Variants in PGLYRP4 observed in about 807,000 individuals in gnomAD.
PGLYRP4 encodes PGRP-I-beta.
Under a neutral mutation model 41.2 loss-of-function variants are expected in PGLYRP4, and 39 were observed. The ratio of observed to expected loss-of-function variants is 0.95; its 90% confidence interval spans 0.73 to 1.24. The LOEUF (loss-of-function observed/expected upper bound fraction) is 1.24, where lower values mean the gene tolerates loss of function less well. PGLYRP4 is among the 50% of genes most tolerant of loss of function. The pLI is 0.00. For synonymous variants in PGLYRP4, 202 were observed against 186.8 expected (o/e 1.08, Z -0.66); for missense variants, 467 against 460.7 (o/e 1.01, Z -0.13).
At position 153,330,854 on chromosome 1, in the gene PGLYRP4, C is replaced by A; in HGVS notation, c.1035G>T (p.Leu345=). The A allele has an allele frequency of 1.2e-6, 2 of 1,614,034 alleles. No individual in the cohort carries two copies. The highest frequency in any genetic ancestry group is 1.7e-6 in the Non-Finnish European group (2 of 1,179,942). ...VKGYLTPNYL[L]VGHSDVARTL... The stretch of plus-strand genomic sequence containing the variant: ...TTCGGGCCACATCACTGTGGCCCAC[C>A]AGCAGGTAGTTGGGAGTCAGGTACC... The change falls in exon 9 of 9, where the codon CTG becomes CTT. Residue 345 remains leucine (L), a synonymous_variant. Coordinates refer to ENST00000359650, the MANE Select transcript of PGLYRP4 (RefSeq NM_020393.4).
intron 8 of PGLYRP4, among the ~76,000 whole-genome samples, chr1:153,335,478 A>T (rs1264140703): frequency 6.6e-6 from 1 of 151,794 alleles, no homozygotes; most frequent in Non-Finnish European, 1.5e-5. Flanking sequence ...GCAAATTAAA[A>T]TCACAATGAG....
intron 2 of PGLYRP4, 65 bp from the exon 3 acceptor site, chr1:153,346,256 T>C (rs1426031668): frequency 4.1e-6 from 5 of 1,225,204 alleles, no homozygotes. Context: ...TGGCACCAGC[T>C]CTGAACAGAA....
intron 8 of PGLYRP4, among the ~76,000 whole-genome samples, chr1:153,335,570 A>T (rs762593466): frequency 5.5e-4 from 84 of 152,064 alleles, no homozygotes; most frequent in Non-Finnish European, 9.9e-4. Flanking sequence ...ACTAAAAATT[A>T]AAAAATTAGC....
Position 153,345,262 on chromosome 1 carries a change from A to G in PGLYRP4, c.260T>C (p.Leu87Pro). Reference sequence around the variant, plus strand: ...GCAGACTGTCTGGTCGTGACACTCCAGTCCAGGGACATGGTGTATAACAAG... The same window carrying G: ...GCAGACTGTCTGGTCGTGACACTCCGGTCCAGGGACATGGTGTATAACAAG... ...NVLVIHHVPG[L>P]ECHDQTVCSQ... The change falls in exon 4 of 9, where the codon CTG (leucine) becomes CCG (proline). Residue 87 changes from leucine (L) to proline (P), a missense_variant. Coordinates refer to ENST00000359650, the MANE Select transcript of PGLYRP4 (RefSeq NM_020393.4). The G allele has an allele frequency of 1.2e-6, 2 of 1,614,158 alleles. No homozygotes were observed. The highest frequency in any genetic ancestry group is 1.1e-5 in the South Asian group (1 of 91,084).
chr1:153,346,291 C>T (rs1557832388), intron 2 of PGLYRP4, 100 bp from the exon 3 acceptor site: 3 of 853,254 alleles, frequency 3.5e-6, no homozygotes, highest in Non-Finnish European at 6.0e-6. Flanking sequence ...TCCACTGCCC[C>T]TCTGCCTCCT....
rs71584104 is a variant in PGLYRP4, at chr1:153,335,721, C to CTAAATAAATAAA, written c.943+1448_943+1459dup. ...GCCTGGCGACAGAGCAAGACTCTGTCTAAATAAATAAATAAATAAATAAAT... is the reference window on the plus strand; with the variant it reads ...GCCTGGCGACAGAGCAAGACTCTGTCTAAATAAATAAATAAATAAATAAATAAATAAATAAAT... On this transcript the variant is annotated intron_variant, in intron 8 of 8. Transcript: ENST00000359650. Among the ~76,000 whole-genome samples, 131 of 37,044 alleles carry CTAAATAAATAAA rather than the reference C, an allele frequency of 3.5e-3. No individual in the cohort carries two copies. The South Asian group carries it at 0.043, about 12-fold the overall frequency. 24.3% of individuals were successfully genotyped at this position (37,044 alleles called of 152,430 possible).
chr1:153,337,242 G>T lies in PGLYRP4; in HGVS notation c.882C>A (p.Gly294=). 6.2e-7 allele frequency: 1 copy of T among 1,613,754 alleles called. No homozygotes were observed. The highest frequency in any genetic ancestry group is 8.5e-7 in the Non-Finnish European group (1 of 1,179,816). ...TGTCATCGTAGCCAGGGGTGGAGGAGCCTTGGACATTCCAGCCCACCCCTT... is the reference window on the plus strand; with the variant it reads ...TGTCATCGTAGCCAGGGGTGGAGGATCCTTGGACATTCCAGCCCACCCCTT... ...IYEGVGWNVQ[G]SSTPGYDDIA... is the part of the protein sequence containing the mutation. Residue 294 remains glycine (G), a synonymous_variant, in exon 8 of 9, where the codon GGC becomes GGA. Transcript: ENST00000359650.
chr1:153,339,598 G>A (rs1048446689), intron 7 of PGLYRP4, among the ~76,000 whole-genome samples: 22 of 152,114 alleles, frequency 1.4e-4, no homozygotes, highest in South Asian at 8.3e-4. Flanking sequence ...GTCTAACGCC[G>A]GATGTCTTAT....
intron 6 of PGLYRP4, 134 bp downstream of exon 6, chr1:153,341,493 A>C: frequency 2.6e-6 from 2 of 781,436 alleles, no homozygotes; most frequent in Non-Finnish European, 4.1e-6. Context: ...CCAAGAGTTC[A>C]GAGAGTTGGG....
At chr1:153,347,838 G>T in intron 2 of PGLYRP4, 46 bp downstream of exon 2, 1 of 1,394,398 alleles carries the variant, frequency 7.2e-7, no homozygotes, top group Non-Finnish European at 1.0e-6. Context: ...GAGACTTTAG[G>T]ATCACCCTTC....
chr1:153,347,779 G>T, intron 2 of PGLYRP4, 105 bp downstream of exon 2: 1 of 828,118 alleles, frequency 1.2e-6, no homozygotes, highest in South Asian at 1.5e-5. Flanking sequence ...CTGCAGCCTT[G>T]AACTCCTCAG....
At chr1:153,340,617 C>T (rs758894945) in intron 6 of PGLYRP4, 38 bp from the exon 7 acceptor site, 7 of 1,592,260 alleles carry the variant, frequency 4.4e-6, no homozygotes, top group African/African-American at 4.0e-5. Context: ...GTTCATCTTC[C>T]CCATCTATGC....
At chr1:153,341,873 G>T (rs1660818603) in intron 5 of PGLYRP4, 94 bp from the exon 6 acceptor site, 3 of 1,144,944 alleles carry the variant, frequency 2.6e-6, no homozygotes, top group Non-Finnish European at 3.7e-6. Flanking sequence ...CCCCTGCACA[G>T]CTGATGGAGA....
At chr1:153,338,880 T>TGG (rs1660678098) in intron 7 of PGLYRP4, among the ~76,000 whole-genome samples, 1 of 152,228 alleles carries the variant, frequency 6.6e-6, no homozygotes, top group Admixed American at 6.5e-5. Context: ...AGAACTTATT[T>TGG]GTTTGAATTA....
rs36105473 is a variant in PGLYRP4, at chr1:153,342,643, G to GT, written c.472+446dup. ...GTCAGAGATTAGGGGACCCAGAGTG[G>GT]TTTTTTTTTAGAAATATATAGAAAA... On this transcript the variant is annotated intron_variant, in intron 5 of 8. Transcript: ENST00000359650. 4.7e-4 allele frequency among the ~76,000 whole-genome samples: 72 copies of GT among 151,940 alleles called. No homozygotes were observed. In the East Asian group the frequency reaches 0.013, roughly 27 times the overall value.
At chr1:153,342,779 A>G (rs1272407606) in intron 5 of PGLYRP4, among the ~76,000 whole-genome samples, 2 of 152,250 alleles carry the variant, frequency 1.3e-5, no homozygotes, top group Admixed American at 6.5e-5. Flanking sequence ...TCATTGACAT[A>G]GAGGAGAGAG....
chr1:153,337,194 C>T lies in PGLYRP4; in HGVS notation c.930G>A (p.Met310Ile). Residue 310 changes from methionine (M) to isoleucine (I), a missense_variant, in exon 8 of 9, where the codon ATG becomes ATA. By Grantham distance (10) the Met-to-Ile change is conservative. Coordinates refer to ENST00000359650, the MANE Select transcript of PGLYRP4 (RefSeq NM_020393.4). ...GCATCCACTTACCTGTGAAGGTGCC[C>T]ATGAAGGTAATGCCCAGGGCAATGT... ...YDDIALGITF[M>I]GTFTGIPPNA... is the part of the protein sequence containing the mutation. 1 of 1,610,038 alleles carries T rather than the reference C, an allele frequency of 6.2e-7. No homozygotes were observed.
chr1:153,344,100 C>A (rs1442866226), intron 4 of PGLYRP4, among the ~76,000 whole-genome samples: 1 of 152,172 alleles, frequency 6.6e-6, no homozygotes, highest in Non-Finnish European at 1.5e-5. Flanking sequence ...CAGAAGCAGT[C>A]CAAGCCTCTG....
chr1:153,343,084 T>G lies in PGLYRP4; in HGVS notation c.472+6A>C. ...TTTGGAGAAGGTCAGCTGTGATAAC[T>G]GTTACCTTTCTTAGTGCCAAAGAAG... On this transcript the variant is annotated splice_donor_region_variant and intron_variant, in intron 5 of 8. Coordinates refer to ENST00000359650, the MANE Select transcript of PGLYRP4 (RefSeq NM_020393.4). 1 of 1,558,084 alleles carries G rather than the reference T, an allele frequency of 6.4e-7. No homozygotes were observed. The highest frequency in any genetic ancestry group is 8.9e-7 in the Non-Finnish European group (1 of 1,128,974).
Sources: allele counts gnomAD v4.1 joint callset (sites outside exome capture counted in the v4.1 genomes callset), GRCh38; gene constraint gnomAD v4.1.1; transcripts MANE v1.5; gene names NCBI Gene and HGNC (gene_info 2026-07-23, HGNC 2026-07-21).